Variants in CCR9 observed in about 807,000 individuals in gnomAD.
CCR9 encodes C-C chemokine receptor type 9.
Under a neutral mutation model 8.7 loss-of-function variants are expected in CCR9, and 4 were observed. The observed-to-expected ratio is 0.46, with a 90% CI of 0.23 to 1.06. The LOEUF is 1.06. Ranked by LOEUF, CCR9 falls within the 50% of genes least tolerant of loss-of-function variation. CCR9 has a pLI of 0.21. For synonymous variants in CCR9, 159 were observed against 168.8 expected, an observed-to-expected ratio of 0.94 and a Z score of 0.45; for missense variants, 394 against 453.6, an observed-to-expected ratio of 0.87 and a Z score of 1.19.
Position 45,901,877 on chromosome 3 carries a change from C to T in CCR9, c.1089C>T (p.Thr363=), listed in dbSNP as rs767511300. 1 of 1,601,444 alleles carries T rather than the reference C, an allele frequency of 6.2e-7. No individual in the cohort carries two copies. The highest frequency in any genetic ancestry group is 8.5e-7 in the Non-Finnish European group (1 of 1,171,194). Residue 363 remains threonine, a synonymous_variant, in exon 3 of 3, where the codon ACC becomes ACT. Coordinates refer to ENST00000357632, the MANE Select transcript of CCR9 (RefSeq NM_031200.3). This position sits in a 1 kb window ranked among gnomAD's most constrained non-coding sequence, Gnocchi z 4.3. The part of the protein sequence containing the change: ...LKLSSMLLET[T]SGALSL The stretch of plus-strand genomic sequence containing the variant: ...TGTCGTCTATGTTGCTGGAGACAAC[C>T]TCAGGAGCACTCTCCCTCTGAGGGG...
At chr3:45,886,260 G>T (rs772172806), upstream of CCR9, among the ~76,000 whole-genome samples, 2 of 152,168 alleles carry the variant, frequency 1.3e-5, no homozygotes, top group African/African-American at 2.4e-5. Flanking sequence ...GACTTCTCTC[G>T]ATGGGATCCT....
intron 1 of CCR9, among the ~76,000 whole-genome samples, chr3:45,888,080 AG>A (rs1425778038): frequency 2.0e-5 from 3 of 152,216 alleles, no homozygotes; most frequent in African/African-American, 7.2e-5. Flanking sequence ...AGAATGTTAG[AG>A]AATACAAAAA....
intron 2 of CCR9, among the ~76,000 whole-genome samples, chr3:45,899,224 G>A (rs560410973): frequency 5.3e-5 from 8 of 152,332 alleles, no homozygotes; most frequent in African/African-American, 1.9e-4. Flanking sequence ...ATCCTTCAAT[G>A]TGCTCAGGAG....
intron 1 of CCR9, among the ~76,000 whole-genome samples, chr3:45,893,016 A>G (rs1702235469): frequency 6.6e-6 from 1 of 152,206 alleles, no homozygotes; most frequent in Admixed American, 6.5e-5. Flanking sequence ...TAAAATGCAG[A>G]ATGTAAGTTC....
intron 2 of CCR9, among the ~76,000 whole-genome samples, chr3:45,897,296 T>A (rs746005149): frequency 5.3e-5 from 8 of 152,070 alleles, no homozygotes; most frequent in Non-Finnish European, 4.4e-5. Context: ...AAATCTAGAT[T>A]TGGGGTGTAA....
rs757699376 is a variant in CCR9 at position 45,900,944 on chromosome 3, A to C, written c.156A>C (p.Pro52=). The part of the protein sequence containing the change: ...NVRQFASHFL[P]PLYWLVFIVG... ...GGCAGTTTGCGAGCCATTTCCTCCC[A>C]CCCTTGTACTGGCTCGTGTTCATCG... Residue 52 remains proline, a synonymous_variant, in exon 3 of 3, where the codon CCA becomes CCC. Transcript: ENST00000357632. The surrounding 1 kb of genome is among the most constrained non-coding windows in gnomAD (Gnocchi z 4.7). The C allele has an allele frequency of 3.7e-6, 6 of 1,613,664 alleles. No individual in the cohort carries two copies. In the South Asian group the frequency reaches 5.5e-5, roughly 15 times the overall value.
At chr3:45,891,901 A>C (rs1435723649) in intron 1 of CCR9, among the ~76,000 whole-genome samples, 1 of 152,016 alleles carries the variant, frequency 6.6e-6, no homozygotes, top group Admixed American at 6.5e-5. Flanking sequence ...CCTTTTTTCC[A>C]GGAATAAAGA....
At chr3:45,888,419 T>C (rs1013408062) in intron 1 of CCR9, among the ~76,000 whole-genome samples, 18 of 152,244 alleles carry the variant, frequency 1.2e-4, no homozygotes, top group African/African-American at 3.4e-4. Flanking sequence ...CCTTTGTTGT[T>C]ATTTGCAGCC....
intron 1 of CCR9, among the ~76,000 whole-genome samples, chr3:45,893,313 C>T (rs62245096): frequency 0.078 from 11,826 of 152,206 alleles, 586 homozygotes; most frequent in East Asian, 0.25. Context: ...CACCACCACA[C>T]CTGGCTAATT....
chr3:45,889,600 G>A (rs192942416), intron 1 of CCR9, among the ~76,000 whole-genome samples: 60 of 151,790 alleles, frequency 4.0e-4, no homozygotes, highest in African/African-American at 1.4e-3. Flanking sequence ...AAACATGAAA[G>A]TTCATTTTCC....
Position 45,901,816 on chromosome 3 carries a change from G to C in CCR9, c.1028G>C (p.Trp343Ser), listed in dbSNP as rs200110811. 1 of 1,614,028 alleles carries C rather than the reference G, an allele frequency of 6.2e-7. No homozygotes were observed. The highest frequency in any genetic ancestry group is 1.1e-5 in the South Asian group (1 of 91,080). The stretch of plus-strand genomic sequence containing the variant: ...TTGGGTTGCATCAGCCAGGCCCAGT[G>C]GGTTTCATTTACAAGGAGAGAGGGA... ...KNLGCISQAQWVSFTRREGSL... is the reference protein window; with the variant it reads ...KNLGCISQAQSVSFTRREGSL... The change falls in exon 3 of 3, where the codon TGG becomes TCG. Residue 343 changes from tryptophan to serine, a missense_variant. By Grantham distance (177) the Trp-to-Ser change is radical. Coordinates refer to ENST00000357632, the MANE Select transcript of CCR9 (RefSeq NM_031200.3). This position sits in a 1 kb window ranked among gnomAD's most constrained non-coding sequence, Gnocchi z 4.3.
Position 45,901,826 on chromosome 3 carries a change from T to A in CCR9, c.1038T>A (p.Phe346Leu), listed in dbSNP as rs200106483. The A allele has an allele frequency of 1.7e-5, 28 of 1,613,838 alleles. No individual in the cohort carries two copies. In the East Asian group the frequency reaches 5.1e-4, roughly 30 times the overall value. Residue 346 changes from phenylalanine to leucine, a missense_variant, in exon 3 of 3, where the codon TTT (phenylalanine) becomes TTA (leucine). Phe to Leu is a conservative substitution (Grantham distance 22). Transcript: ENST00000357632. The surrounding 1 kb of genome is among the most constrained non-coding windows in gnomAD (Gnocchi z 4.3). ...GCISQAQWVS[F>L]TRREGSLKLS... ...TCAGCCAGGCCCAGTGGGTTTCATT[T>A]ACAAGGAGAGAGGGAAGCTTGAAGC... is the stretch of plus-strand genomic sequence containing the variant.
rs563946125 is a variant in CCR9, at chr3:45,897,469, T to C, written c.21+2515T>C. ...CTTGTCTGGGATTCAGTCTTGGGAG[T>C]GTTAGCTGTGCCTGCTCACCGGGCA... On this transcript the variant is annotated intron_variant, in intron 2 of 2. Coordinates refer to ENST00000357632, the MANE Select transcript of CCR9 (RefSeq NM_031200.3). 67 of 772,582 alleles carry C rather than the reference T, an allele frequency of 8.7e-5. No individual in the cohort carries two copies. The East Asian group carries it at 1.3e-3, about 14-fold the overall frequency. 47.9% of individuals were successfully genotyped at this position (772,582 alleles called of 1,614,324 possible).
intron 2 of CCR9, among the ~76,000 whole-genome samples, chr3:45,896,823 T>C (rs1702371829): frequency 6.6e-6 from 1 of 152,254 alleles, no homozygotes; most frequent in African/African-American, 2.4e-5. Context: ...TTGTGCCCAT[T>C]CTTGGTGCTA....
chr3:45,887,851 C>A (rs1702029604), intron 1 of CCR9, among the ~76,000 whole-genome samples: 1 of 152,208 alleles, frequency 6.6e-6, no homozygotes, highest in Non-Finnish European at 1.5e-5. Context: ...GCTCAGAGAC[C>A]CTGCCTCGTG....
At chr3:45,887,251 CTGTGTGTGTGTGTGTG>C (rs36040178) in intron 1 of CCR9, among the ~76,000 whole-genome samples, 1 of 149,114 alleles carries the variant, frequency 6.7e-6, no homozygotes, top group East Asian at 2.0e-4. Context: ...GCGTGTGTGT[CTGTGTGTGTGTGTGTG>C]TGTGTGTGAG....
At chr3:45,895,095 T>G in intron 2 of CCR9, 141 bp downstream of exon 2, 1 of 874,584 alleles carries the variant, frequency 1.1e-6, no homozygotes. Context: ...CAATGCGCAT[T>G]GCTGGGTAGG....
At chr3:45,899,855 T>C (rs1702488125) in intron 2 of CCR9, among the ~76,000 whole-genome samples, 1 of 152,200 alleles carries the variant, frequency 6.6e-6, no homozygotes, top group African/African-American at 2.4e-5. Context: ...CCTCATTTCC[T>C]GTTTCCGTAG....
intron 1 of CCR9, among the ~76,000 whole-genome samples, chr3:45,894,056 C>T (rs1298313828): frequency 2.6e-5 from 4 of 152,112 alleles, no homozygotes; most frequent in African/African-American, 4.8e-5. Flanking sequence ...AATGTACTCG[C>T]TAAGGGTATA....
Sources: gnomAD v4.1 joint callset for allele counts (sites outside exome capture counted in the v4.1 genomes callset) on GRCh38, gnomAD v4.1.1 for gene constraint, Gnocchi (gnomAD v3.1) non-coding constraint, MANE v1.5 for transcripts, NCBI Gene and HGNC (gene_info 2026-07-23, HGNC 2026-07-21) for gene names.